Variants in CFAP95 observed in about 807,000 individuals in gnomAD.
CFAP95 encodes cilia- and flagella-associated protein 95.
the CFAP95 span, among the ~76,000 whole-genome samples, chr9:69,876,914 C>T: frequency 6.6e-6 from 1 of 152,034 alleles, no homozygotes; most frequent in African/African-American, 2.4e-5. Flanking sequence ...GGATTACAGG[C>T]ATGAGCCACT....
the CFAP95 span, among the ~76,000 whole-genome samples, chr9:69,836,976 C>T: frequency 2.0e-4 from 30 of 148,682 alleles, no homozygotes; most frequent in African/African-American, 6.4e-4. Context: ...TGAGAATATG[C>T]GGTGTTTGGT....
chr9:69,886,702 T>C, the CFAP95 span: 1 of 622,076 alleles, frequency 1.6e-6, no homozygotes, highest in South Asian at 2.1e-5. Context: ...GCTGGGACAG[T>C]TGTGGGGTTT....
At chr9:69,879,033 C>T in the CFAP95 span, among the ~76,000 whole-genome samples, 1 of 152,160 alleles carries the variant, frequency 6.6e-6, no homozygotes, top group Non-Finnish European at 1.5e-5. Flanking sequence ...GGCACCAGGC[C>T]ATGAGGGATC....
the CFAP95 span, among the ~76,000 whole-genome samples, chr9:69,851,927 A>T: frequency 1.1e-4 from 16 of 151,866 alleles, no homozygotes. Context: ...AGCTTGCTTG[A>T]AGAGGTAGTT....
chr9:69,894,673 G>T, the CFAP95 span, among the ~76,000 whole-genome samples: 2 of 152,134 alleles, frequency 1.3e-5, no homozygotes, highest in East Asian at 1.9e-4. Flanking sequence ...GTGAACTTGG[G>T]TCTGATTCCA....
At chr9:69,829,964 A>G in the CFAP95 span, among the ~76,000 whole-genome samples, 1 of 152,216 alleles carries the variant, frequency 6.6e-6, no homozygotes, top group Non-Finnish European at 1.5e-5. Flanking sequence ...AGAAAACAGA[A>G]TGAATTAACT....
the CFAP95 span, among the ~76,000 whole-genome samples, chr9:69,881,913 T>A: frequency 1.3e-5 from 2 of 152,178 alleles, no homozygotes; most frequent in African/African-American, 4.8e-5. Flanking sequence ...CTAATTTTAT[T>A]TGTGGCTATC....
the CFAP95 span, among the ~76,000 whole-genome samples, chr9:69,899,532 A>G: frequency 6.6e-6 from 1 of 152,232 alleles, no homozygotes; most frequent in Non-Finnish European, 1.5e-5. Flanking sequence ...GTGTGCAGAG[A>G]AGAGCTAACA....
chr9:69,848,228 C>T, the CFAP95 span, among the ~76,000 whole-genome samples: 1 of 152,094 alleles, frequency 6.6e-6, no homozygotes, highest in African/African-American at 2.4e-5. Context: ...ATCCTCGGTC[C>T]CAGATGTGCC....
chr9:69,852,312 T>C, the CFAP95 span, among the ~76,000 whole-genome samples: 17 of 152,290 alleles, frequency 1.1e-4, no homozygotes, highest in African/African-American at 4.1e-4. Flanking sequence ...GTAAGTGAGA[T>C]GCCAACCCAC....
the CFAP95 span, among the ~76,000 whole-genome samples, chr9:69,877,097 A>T: frequency 6.6e-6 from 1 of 152,330 alleles, no homozygotes; most frequent in African/African-American, 2.4e-5. Flanking sequence ...TATATAATGC[A>T]TACATATATA....
the CFAP95 span, among the ~76,000 whole-genome samples, chr9:69,840,315 T>G: frequency 1.3e-5 from 2 of 152,220 alleles, no homozygotes; most frequent in Non-Finnish European, 2.9e-5. Flanking sequence ...TTGATTATTT[T>G]TATATATGTA....
At chr9:69,843,613 T>G in the CFAP95 span, among the ~76,000 whole-genome samples, 1,296 of 71,824 alleles carry the variant, frequency 0.018, 147 homozygotes, top group East Asian at 0.038. Context: ...CTTCTTCTTC[T>G]TCTTCTTCTT....
chr9:69,834,100 G>C, the CFAP95 span, among the ~76,000 whole-genome samples: 1 of 152,164 alleles, frequency 6.6e-6, no homozygotes, highest in South Asian at 2.1e-4. Flanking sequence ...GTGATTCTTT[G>C]CTTTTTGTTT....
At chr9:69,845,780 A>C in the CFAP95 span, among the ~76,000 whole-genome samples, 1 of 152,192 alleles carries the variant, frequency 6.6e-6, no homozygotes, top group Non-Finnish European at 1.5e-5. Context: ...ATGCACACAC[A>C]GAGTCTCTTT....
At chr9:69,866,920 GA>G in the CFAP95 span, among the ~76,000 whole-genome samples, 75 of 152,270 alleles carry the variant, frequency 4.9e-4, no homozygotes, top group African/African-American at 1.7e-3. Flanking sequence ...TCACCAACTT[GA>G]ATTTCCTGGA....
At chr9:69,843,613 TTCTTCTTCTTCTTCTTCC>T in the CFAP95 span, among the ~76,000 whole-genome samples, 1,332 of 71,832 alleles carry the variant, frequency 0.019, 113 homozygotes, top group Middle Eastern at 0.029. Flanking sequence ...CTTCTTCTTC[TTCTTCTTCTTCTTCTTCC>T]TCCTCCTCCT....
the CFAP95 span, among the ~76,000 whole-genome samples, chr9:69,862,197 C>T: frequency 2.0e-5 from 3 of 152,122 alleles, no homozygotes; most frequent in African/African-American, 7.2e-5. Context: ...GAGGATTTGG[C>T]TAATTTCTAT....
At chr9:69,856,918 G>GTTT in the CFAP95 span, among the ~76,000 whole-genome samples, 2 of 98,958 alleles carry the variant, frequency 2.0e-5, no homozygotes, top group Non-Finnish European at 4.1e-5. Flanking sequence ...CTCTTTATAT[G>GTTT]TGTTTTTTTT....
Sources: gnomAD v4.1 joint callset for allele counts (sites outside exome capture counted in the v4.1 genomes callset) on GRCh38, gnomAD v4.1.1 for gene constraint, MANE v1.5 for transcripts, NCBI Gene and HGNC (gene_info 2026-07-23, HGNC 2026-07-21) for gene names.